DDX4: variants seen among roughly 807,000 people sequenced by gnomAD.
DDX4 encodes the protein probable ATP-dependent RNA helicase DDX4.
DDX4 carries 25 observed loss-of-function variants against 100.0 expected under a neutral mutation model. That is an observed-to-expected ratio of 0.25 (90% CI 0.18 to 0.35). The LOEUF is 0.35. Among genes scored for constraint, DDX4 ranks in the 10% least tolerant of loss-of-function variants. The pLI is 1.00. For missense variants in DDX4, 635 were observed against 882.4 expected, an observed-to-expected ratio of 0.72 and a Z score of 3.55; for synonymous variants, 259 against 275.7, an observed-to-expected ratio of 0.94 and a Z score of 0.60.
chr5:55,775,442 CTGGGTTGCTTCAAGCCTTTTATTGATTT>C, intron 7 of DDX4, among the ~76,000 whole-genome samples: 1 of 152,212 alleles, frequency 6.6e-6, no homozygotes, highest in South Asian at 2.1e-4. Context: ...AAAAAATTCC[CTGGGTTGCTTCAAGCCTTTTATTGATTT>C]CTAGAGTTTG....
At chr5:55,780,122 T>TA in intron 8 of DDX4, 57 bp downstream of exon 8, 2 of 1,586,600 alleles carry the variant, frequency 1.3e-6, no homozygotes, top group Non-Finnish European at 1.7e-6. Flanking sequence ...GAAAATGATT[T>TA]AAAAAAATAC....
At chr5:55,763,379 T>G (rs960777003) in intron 5 of DDX4, 127 bp downstream of exon 5, 3 of 652,796 alleles carry the variant, frequency 4.6e-6, no homozygotes, top group Non-Finnish European at 8.2e-6. Flanking sequence ...TGTGAGTGCC[T>G]TTGCACTAAA....
Position 55,798,444 on chromosome 5 carries a change from A to G in DDX4, c.1488A>G (p.Leu496=). 6.2e-7 allele frequency: 1 copy of G among 1,612,180 alleles called. No individual in the cohort carries two copies. Among genetic ancestry groups the G allele is most frequent in the Non-Finnish European group, 8.5e-7 (1 of 1,179,132 alleles). The stretch of plus-strand genomic sequence containing the variant: ...TTTCAAGGTTGGCTGCAGAGTTTTT[A>G]AAGTCAAATTATCTGTTTGTTGCTG... ...EEIQRLAAEF[L]KSNYLFVAVG... Residue 496 remains leucine (L), a synonymous_variant, in exon 18 of 22, where the codon TTA becomes TTG. Transcript: ENST00000505374.
intron 18 of DDX4, among the ~76,000 whole-genome samples, chr5:55,804,139 C>A (rs1277172723): frequency 6.6e-6 from 1 of 152,040 alleles, no homozygotes; most frequent in African/African-American, 2.4e-5. Context: ...AGTGTCTGTT[C>A]ATGTCCTTTG....
In DDX4 at chr5:55,758,039, C is replaced by G. The variant is rs1413977167; in HGVS notation, c.128-2161C>G. ...CAACCTGGGTGACAGAGCAAGACTCCATCTCAAACAAGACAAAACAAAAAA... is the reference window on the plus strand; with the variant it reads ...CAACCTGGGTGACAGAGCAAGACTCGATCTCAAACAAGACAAAACAAAAAA... On this transcript the variant is annotated intron_variant, in intron 3 of 21. Transcript: ENST00000505374. Among the ~76,000 whole-genome samples the G allele has an allele frequency of 2.0e-5, 3 of 152,026 alleles. 1 individual carries two copies. The highest frequency in any genetic ancestry group is 2.0e-4 in the Admixed American group (3 of 15,258).
intron 10 of DDX4, among the ~76,000 whole-genome samples, chr5:55,783,118 T>C (rs1742024208): frequency 6.6e-6 from 1 of 152,074 alleles, no homozygotes. Flanking sequence ...GTATAAATAC[T>C]TCAGTGTCAT....
chr5:55,803,687 T>A (rs1743486374), intron 18 of DDX4, among the ~76,000 whole-genome samples: 1 of 152,126 alleles, frequency 6.6e-6, no homozygotes, highest in Admixed American at 6.5e-5. Context: ...CAGTATTCCA[T>A]GGTGTATATG....
chr5:55,796,142 C>G (rs529989582), intron 17 of DDX4, among the ~76,000 whole-genome samples: 127 of 152,308 alleles, frequency 8.3e-4, no homozygotes, highest in African/African-American at 3.0e-3. Flanking sequence ...CTTCTTCTGC[C>G]TGCGTTCTTG....
chr5:55,804,948 C>T (rs1743595694), intron 18 of DDX4, among the ~76,000 whole-genome samples: 2 of 151,492 alleles, frequency 1.3e-5, no homozygotes, highest in Admixed American at 6.6e-5. Context: ...ATTCTTCCTA[C>T]CCATGAGCAT....
chr5:55,791,227 T>C (rs1742540106), intron 16 of DDX4, among the ~76,000 whole-genome samples: 1 of 152,200 alleles, frequency 6.6e-6, no homozygotes, highest in African/African-American at 2.4e-5. Flanking sequence ...ATTCATATAC[T>C]ATATTTTTGT....
rs1741815747 is a variant in DDX4 at position 55,780,085 on chromosome 5, A to G, written c.496+20A>G. 3 of 1,612,486 alleles carry G rather than the reference A, an allele frequency of 1.9e-6. No individual in the cohort carries two copies. The highest frequency in any genetic ancestry group is 2.5e-6 in the Non-Finnish European group (3 of 1,179,468). On this transcript the variant is annotated intron_variant, in intron 8 of 21. Transcript: ENST00000505374. Reference sequence around the variant, plus strand: ...GTCCAAGTTAGTACTGGATTTGCAAATGATGTGCTTCATTAACTGTTAAAA... The same window carrying G: ...GTCCAAGTTAGTACTGGATTTGCAAGTGATGTGCTTCATTAACTGTTAAAA...
chr5:55,794,522 A>G (rs6872522), intron 17 of DDX4, among the ~76,000 whole-genome samples: 63,342 of 151,766 alleles, frequency 0.42, 14,583 homozygotes, highest in African/African-American at 0.6. Flanking sequence ...TTCAGGTGGA[A>G]ATGGGGTATT....
At chr5:55,754,790 A>G (rs1580523771) in intron 3 of DDX4, among the ~76,000 whole-genome samples, 1 of 151,218 alleles carries the variant, frequency 6.6e-6, no homozygotes, top group Admixed American at 6.6e-5. Flanking sequence ...TCGGCTGTGA[A>G]TCCATCTGGT....
chr5:55,774,816 G>T (rs1741461539), intron 7 of DDX4, among the ~76,000 whole-genome samples: 2 of 152,132 alleles, frequency 1.3e-5, no homozygotes, highest in Admixed American at 1.3e-4. Flanking sequence ...ACCCTCCTTG[G>T]AGTTGAGCTT....
intron 17 of DDX4, among the ~76,000 whole-genome samples, chr5:55,796,632 C>A (rs908755943): frequency 6.6e-6 from 1 of 151,878 alleles, no homozygotes; most frequent in Non-Finnish European, 1.5e-5. Flanking sequence ...TCGTGTGTTT[C>A]TAGTCTACTA....
chr5:55,786,677 C>A lies in DDX4; in HGVS notation c.1017+7C>A. The A allele has an allele frequency of 6.2e-7, 1 of 1,610,862 alleles. No homozygotes were observed. The highest frequency in any genetic ancestry group is 1.1e-5 in the South Asian group (1 of 90,766). On this transcript the variant is annotated splice_region_variant and intron_variant, in intron 14 of 21. Coordinates refer to ENST00000505374, the MANE Select transcript of DDX4 (RefSeq NM_024415.3). Reference sequence around the variant, plus strand: ...AACAGGGTCTGGGAAGACTGTAAGTCTTTCCCCACATGTCCAAACTGTTAG... The same window carrying A: ...AACAGGGTCTGGGAAGACTGTAAGTATTTCCCCACATGTCCAAACTGTTAG...
intron 4 of DDX4, among the ~76,000 whole-genome samples, chr5:55,762,537 T>G (rs1206435032): frequency 6.6e-6 from 1 of 152,182 alleles, no homozygotes; most frequent in Non-Finnish European, 1.5e-5. Flanking sequence ...GAATAGCATG[T>G]ACAAAGATAC....
At chr5:55,808,002 A>G (rs1348388970) in intron 18 of DDX4, among the ~76,000 whole-genome samples, 7 of 152,142 alleles carry the variant, frequency 4.6e-5, no homozygotes, top group Admixed American at 4.6e-4. Context: ...TATTTCTTGG[A>G]GGCTTTGTTC....
chr5:55,814,980 G>T lies in DDX4; in HGVS notation c.1795G>T (p.Val599Leu). ...GKCPVLVATS[V>L]AARGLDIENV... Reference sequence around the variant, plus strand: ...GTGCCCAGTTCTTGTTGCTACTTCAGTAGCTGCCAGAGGGCTGGATATTGA... The same window carrying T: ...GTGCCCAGTTCTTGTTGCTACTTCATTAGCTGCCAGAGGGCTGGATATTGA... Residue 599 changes from valine to leucine, a missense_variant, in exon 20 of 22, where the codon GTA (valine) becomes TTA (leucine). Coordinates refer to ENST00000505374, the MANE Select transcript of DDX4 (RefSeq NM_024415.3). 6.2e-7 allele frequency: 1 copy of T among 1,614,168 alleles called. No individual in the cohort carries two copies. Among genetic ancestry groups the T allele is most frequent in the Non-Finnish European group, 8.5e-7 (1 of 1,179,986 alleles).
Sources: allele counts gnomAD v4.1 joint callset (sites outside exome capture counted in the v4.1 genomes callset), GRCh38; gene constraint gnomAD v4.1.1; transcripts MANE v1.5; gene names NCBI Gene and HGNC (gene_info 2026-07-23, HGNC 2026-07-21).